Variants in GPC5 observed in about 807,000 individuals in gnomAD.
The protein encoded by GPC5 is glypican 5.
GPC5 carries 47 observed loss-of-function variants against 53.9 expected under a neutral mutation model. The ratio of observed to expected loss-of-function variants is 0.87; its 90% CI spans 0.69 to 1.11. The LOEUF (loss-of-function observed/expected upper bound fraction) is 1.11, where lower values mean the gene tolerates loss of function less well. Ranked by LOEUF, GPC5 falls within the 50% of genes most tolerant of loss-of-function variation. GPC5 has a pLI of 0.00. For synonymous variants in GPC5, 286 were observed against 263.3 expected (o/e 1.09, Z -0.84); for missense variants, 748 against 713.1 (o/e 1.05, Z -0.56).
chr13:92,247,568 G>T (rs1385482947), intron 7 of GPC5, among the ~76,000 whole-genome samples: 3 of 152,042 alleles, frequency 2.0e-5, no homozygotes, highest in Admixed American at 6.6e-5. Flanking sequence ...GTATAATATA[G>T]TCTATGGAAC....
chr13:92,549,945 G>T (rs1324654269), intron 7 of GPC5, among the ~76,000 whole-genome samples: 2 of 136,882 alleles, frequency 1.5e-5, no homozygotes, highest in Non-Finnish European at 3.1e-5. Context: ...TACTTTGGAG[G>T]CTTGATATAG....
chr13:92,693,404 C>A (rs548333302), intron 7 of GPC5, among the ~76,000 whole-genome samples: 1 of 152,214 alleles, frequency 6.6e-6, no homozygotes, highest in South Asian at 2.1e-4. Context: ...TTTTGACTAA[C>A]ATGCTGATAG....
chr13:91,496,738 A>C (rs772298400), intron 2 of GPC5, among the ~76,000 whole-genome samples: 2 of 152,200 alleles, frequency 1.3e-5, no homozygotes, highest in Non-Finnish European at 2.9e-5. Flanking sequence ...CAGGGTGACT[A>C]TGGCAACAAT....
intron 7 of GPC5, among the ~76,000 whole-genome samples, chr13:92,293,404 AGGTT>A (rs1398849824): frequency 7.2e-6 from 1 of 139,570 alleles, no homozygotes; most frequent in Admixed American, 7.2e-5. Flanking sequence ...TATACTCCTA[AGGTT>A]GGTTGGTTGG....
At chr13:91,479,836 TG>T (rs1432361938) in intron 2 of GPC5, among the ~76,000 whole-genome samples, 1 of 152,174 alleles carries the variant, frequency 6.6e-6, no homozygotes, top group African/African-American at 2.4e-5. Context: ...TATTGCAGAA[TG>T]AAGGCAAATA....
intron 7 of GPC5, among the ~76,000 whole-genome samples, chr13:92,161,955 C>CAATATA (rs2041991206): frequency 7.8e-5 from 2 of 25,504 alleles, no homozygotes; most frequent in African/African-American, 1.6e-4. Context: ...TAATATATAG[C>CAATATA]CATATATATA....
At chr13:91,960,503 A>C (rs1453914813) in intron 6 of GPC5, among the ~76,000 whole-genome samples, 3 of 152,148 alleles carry the variant, frequency 2.0e-5, no homozygotes, top group Non-Finnish European at 4.4e-5. Flanking sequence ...CAATCTATAG[A>C]TACAATGCCA....
chr13:91,959,549 C>T (rs185806119), intron 6 of GPC5, among the ~76,000 whole-genome samples: 1 of 151,926 alleles, frequency 6.6e-6, no homozygotes, highest in South Asian at 2.1e-4. Flanking sequence ...TTTTATAAGG[C>T]CAGCACTAGC....
At chr13:91,697,359 T>C (rs542443260) in intron 3 of GPC5, among the ~76,000 whole-genome samples, 1 of 152,250 alleles carries the variant, frequency 6.6e-6, no homozygotes, top group South Asian at 2.1e-4. Context: ...GACAGGCTGG[T>C]CTCAAACTCC....
At chr13:92,806,528 C>T (rs1877106927) in intron 7 of GPC5, among the ~76,000 whole-genome samples, 1 of 152,044 alleles carries the variant, frequency 6.6e-6, no homozygotes, top group African/African-American at 2.4e-5. Context: ...AACTTGCCTT[C>T]CTCACTAAGC....
intron 6 of GPC5, among the ~76,000 whole-genome samples, chr13:91,943,381 T>C (rs2039946127): frequency 6.6e-6 from 1 of 152,104 alleles, no homozygotes; most frequent in African/African-American, 2.4e-5. Context: ...CTATGAATTT[T>C]CTGTATTCTT....
chr13:91,592,275 G>C (rs2032828184), intron 2 of GPC5, among the ~76,000 whole-genome samples: 1 of 152,146 alleles, frequency 6.6e-6, no homozygotes, highest in Non-Finnish European at 1.5e-5. Flanking sequence ...TGGTGAATAG[G>C]CTCTAATTCA....
chr13:91,422,019 G>A (rs756442012), intron 1 of GPC5, among the ~76,000 whole-genome samples: 18 of 152,156 alleles, frequency 1.2e-4, no homozygotes, highest in South Asian at 2.1e-4. Flanking sequence ...GCCTTGAAAC[G>A]TCCAGCACCT....
chr13:92,718,895 CA>C (rs113129932), intron 7 of GPC5, among the ~76,000 whole-genome samples: 12,850 of 102,888 alleles, frequency 0.12, 1,204 homozygotes, highest in East Asian at 0.35. Context: ...CGTCCCCCCA[CA>C]AAAAAAAAAA....
chr13:92,365,800 C>T (rs1294996500), intron 7 of GPC5, among the ~76,000 whole-genome samples: 5 of 151,112 alleles, frequency 3.3e-5, no homozygotes, highest in Non-Finnish European at 7.4e-5. Context: ...TCTTCAGGGG[C>T]AATTGCGTGC....
At chr13:91,731,016 A>G (rs1409694775) in intron 4 of GPC5, among the ~76,000 whole-genome samples, 1 of 152,230 alleles carries the variant, frequency 6.6e-6, no homozygotes, top group East Asian at 1.9e-4. Context: ...TGTCAGCATT[A>G]TGTCCCACAG....
chr13:92,709,316 C>G (rs1196116040), intron 7 of GPC5, among the ~76,000 whole-genome samples: 1 of 151,536 alleles, frequency 6.6e-6, no homozygotes, highest in African/African-American at 2.4e-5. Context: ...ACCTCAACTT[C>G]TCAAAGTCCT....
chr13:92,041,587 C>G (rs979705892), intron 6 of GPC5, among the ~76,000 whole-genome samples: 2 of 152,146 alleles, frequency 1.3e-5, no homozygotes, highest in Admixed American at 6.5e-5. Context: ...CTGCCTGCCC[C>G]CCTAAAGCTG....
intron 7 of GPC5, among the ~76,000 whole-genome samples, chr13:92,499,800 C>A (rs74107296): frequency 6.6e-6 from 1 of 152,176 alleles, no homozygotes; most frequent in African/African-American, 2.4e-5. Context: ...ACTAATTCAC[C>A]AACATTTCAA....
Sources: allele counts gnomAD v4.1 joint callset (sites outside exome capture counted in the v4.1 genomes callset), GRCh38; gene constraint gnomAD v4.1.1; transcripts MANE v1.5; gene names NCBI Gene and HGNC (gene_info 2026-07-23, HGNC 2026-07-21).